The following NRXN1 variants were observed in gnomAD, a reference collection of about 807,000 sequenced individuals.
NRXN1 encodes neurexin-1.
NRXN1 carries 39 observed loss-of-function variants against 150.9 expected under a neutral mutation model. The ratio of observed to expected loss-of-function variants is 0.26; its 90% CI spans 0.20 to 0.34. The LOEUF is 0.34. Among genes scored for constraint, NRXN1 ranks in the 10% least tolerant of loss-of-function variants. The pLI is 1.00. For missense variants in NRXN1, 1,815 were observed against 1,949.9 expected (o/e 0.93, Z 1.30); for synonymous variants, 924 against 757.0 (o/e 1.22, Z -3.62).
intron 11 of NRXN1, among the ~76,000 whole-genome samples, chr2:50,529,296 G>A (rs2093037965): frequency 6.6e-6 from 1 of 152,182 alleles, no homozygotes; most frequent in African/African-American, 2.4e-5. Flanking sequence ...TGGCTAAGGA[G>A]CAGTCATTAT....
At chr2:50,791,454 C>A (rs1706031435) in intron 5 of NRXN1, among the ~76,000 whole-genome samples, 1 of 152,098 alleles carries the variant, frequency 6.6e-6, no homozygotes, top group African/African-American at 2.4e-5. Flanking sequence ...GTCAACATCA[C>A]CATCTGCTCA....
At chr2:50,855,998 T>C (rs925478375) in intron 5 of NRXN1, among the ~76,000 whole-genome samples, 1 of 150,650 alleles carries the variant, frequency 6.6e-6, no homozygotes, top group Non-Finnish European at 1.5e-5. Flanking sequence ...CAACATCATA[T>C]GCAATGAGCA....
chr2:50,907,840 T>C (rs1341812192), intron 5 of NRXN1, among the ~76,000 whole-genome samples: 2 of 152,108 alleles, frequency 1.3e-5, no homozygotes, highest in Non-Finnish European at 2.9e-5. Flanking sequence ...ATGCCAGACT[T>C]CTGACCTACA....
At chr2:50,648,527 G>A (rs954243423) in intron 5 of NRXN1, among the ~76,000 whole-genome samples, 9 of 151,968 alleles carry the variant, frequency 5.9e-5, no homozygotes, top group African/African-American at 2.2e-4. Context: ...TGGAGGGTGT[G>A]AGAGACTACA....
chr2:50,810,592 T>C (rs570924653), intron 5 of NRXN1, among the ~76,000 whole-genome samples: 1 of 152,284 alleles, frequency 6.6e-6, no homozygotes, highest in African/African-American at 2.4e-5. Context: ...CACACATATA[T>C]TCAACTTCCT....
intron 12 of NRXN1, among the ~76,000 whole-genome samples, chr2:50,523,729 T>C (rs961570101): frequency 2.6e-5 from 4 of 152,232 alleles, no homozygotes; most frequent in Non-Finnish European, 5.9e-5. Context: ...AAATATACTA[T>C]GTGAAGTGTT....
chr2:50,354,057 A>G (rs1572650429), intron 17 of NRXN1, among the ~76,000 whole-genome samples: 1 of 152,064 alleles, frequency 6.6e-6, no homozygotes, highest in Non-Finnish European at 1.5e-5. Context: ...CTCCTTACCA[A>G]TGATCTCACC....
intron 17 of NRXN1, among the ~76,000 whole-genome samples, chr2:50,407,587 C>G (rs1001522389): frequency 4.6e-5 from 7 of 152,046 alleles, no homozygotes; most frequent in Admixed American, 2.0e-4. Flanking sequence ...GGGCTGTCCC[C>G]TCATGGATGT....
At chr2:50,305,954 G>T (rs903526716) in intron 17 of NRXN1, among the ~76,000 whole-genome samples, 12 of 151,906 alleles carry the variant, frequency 7.9e-5, no homozygotes, top group Non-Finnish European at 1.5e-4. Flanking sequence ...TTTTTTCTTG[G>T]CTGAATTGGC....
Position 50,515,849 on chromosome 2 carries a change from G to T in NRXN1, c.2375-9232C>A, listed in dbSNP as rs2092615977. ...GGAGCTACCACTGCTTGATGCCTGAGTCATAGTTGCTGGCAGCAGTACTTC... is the reference window on the plus strand; with the variant it reads ...GGAGCTACCACTGCTTGATGCCTGATTCATAGTTGCTGGCAGCAGTACTTC... On this transcript the variant is annotated intron_variant, in intron 12 of 22. Coordinates refer to ENST00000401669, the MANE Select transcript of NRXN1 (RefSeq NM_001330078.2). Among the ~76,000 whole-genome samples the T allele has an allele frequency of 3.3e-5, 5 of 152,064 alleles. No homozygotes were observed. The South Asian group carries it at 1.0e-3, about 31-fold the overall frequency.
intron 21 of NRXN1, among the ~76,000 whole-genome samples, chr2:49,995,208 TGA>T (rs1443348498): frequency 6.6e-6 from 1 of 152,098 alleles, no homozygotes; most frequent in East Asian, 1.9e-4. Flanking sequence ...AGGAGAAAAA[TGA>T]GAGAAAGGTA....
chr2:50,042,039 G>A (rs947695518), intron 21 of NRXN1, among the ~76,000 whole-genome samples: 2 of 152,108 alleles, frequency 1.3e-5, no homozygotes, highest in African/African-American at 2.4e-5. Flanking sequence ...CCTGCATATC[G>A]CATCCACCCC....
chr2:50,875,429 TTCC>T (rs1678426680), intron 5 of NRXN1, among the ~76,000 whole-genome samples: 1 of 151,630 alleles, frequency 6.6e-6, no homozygotes, highest in South Asian at 2.1e-4. Context: ...CATATATTAG[TTCC>T]TCAATATATT....
intron 12 of NRXN1, among the ~76,000 whole-genome samples, chr2:50,527,824 G>C (rs2092996838): frequency 6.6e-6 from 1 of 152,080 alleles, no homozygotes; most frequent in African/African-American, 2.4e-5. Context: ...AAATTTGTTA[G>C]AACCATTTTA....
At chr2:50,461,906 T>C (rs764937112) in intron 17 of NRXN1, among the ~76,000 whole-genome samples, 2 of 151,934 alleles carry the variant, frequency 1.3e-5, no homozygotes, top group Non-Finnish European at 2.9e-5. Context: ...GAAATTAGCA[T>C]AAGCAATGGT....
chr2:50,043,608 T>C (rs1446930800), intron 21 of NRXN1, among the ~76,000 whole-genome samples: 1 of 152,190 alleles, frequency 6.6e-6, no homozygotes, highest in African/African-American at 2.4e-5. Flanking sequence ...AGCTGTGGAC[T>C]CACTCTTTCA....
intron 8 of NRXN1, among the ~76,000 whole-genome samples, chr2:50,595,443 A>T: frequency 6.7e-6 from 1 of 150,174 alleles, no homozygotes; most frequent in Non-Finnish European, 1.5e-5. Flanking sequence ...AAAAATACCC[A>T]CCTCTCCTCC....
At chr2:50,329,660 TATATATATATATA>T (rs1337109716) in intron 17 of NRXN1, among the ~76,000 whole-genome samples, 971 of 23,104 alleles carry the variant, frequency 0.042, 20 homozygotes, top group African/African-American at 0.061. Flanking sequence ...TATATATATA[TATATATATATATA>T]TTTTTTTTTT....
intron 5 of NRXN1, among the ~76,000 whole-genome samples, chr2:50,627,615 G>GACACACACAC (rs142392248): frequency 1.5e-3 from 220 of 148,438 alleles, no homozygotes; most frequent in Non-Finnish European, 2.1e-3. Context: ...GTCAGACACA[G>GACACACACAC]ACACACACAC....
Sources: gnomAD v4.1 joint callset for allele counts (sites outside exome capture counted in the v4.1 genomes callset) on GRCh38, gnomAD v4.1.1 for gene constraint, MANE v1.5 for transcripts, NCBI Gene and HGNC (gene_info 2026-07-23, HGNC 2026-07-21) for gene names.